The following LMO1 variants were observed in gnomAD, a reference collection of about 807,000 sequenced individuals.
The protein encoded by LMO1 is rhombotin-1.
A neutral mutation model predicts 18.0 loss-of-function variants in LMO1; 10 were observed. That is an observed-to-expected ratio of 0.55 (90% CI 0.34 to 0.94). The LOEUF (loss-of-function observed/expected upper bound fraction) is 0.94. LMO1 is among the 40% of genes least tolerant of loss of function. LMO1 has a pLI of 0.02. For missense variants in LMO1, 183 were observed against 205.7 expected (o/e 0.89, Z 0.68); for synonymous variants, 77 against 77.9 (o/e 0.99, Z 0.06).
At chr11:8,228,907 A>C (rs1275688088) in intron 2 of LMO1, among the ~76,000 whole-genome samples, 3 of 152,014 alleles carry the variant, frequency 2.0e-5, no homozygotes, top group African/African-American at 7.2e-5. Flanking sequence ...TTCTTTTTTG[A>C]GACAGGGTCT....
rs7114682 is a variant in LMO1, at chr11:8,232,219, G to T, written c.26-1715C>A. Among the ~76,000 whole-genome samples, 782 of 152,280 alleles carry T rather than the reference G, an allele frequency of 5.1e-3. 5 individuals are homozygous for T. The highest frequency in any genetic ancestry group is 0.018 in the African/African-American group (754 of 41,552). ...AGGGCCTGTCTGTTAGCTGGTGAGT[G>T]TGCTGCCTAATTTCCTTAATGCAGC... On this transcript the variant is annotated intron_variant, in intron 1 of 3. Transcript: ENST00000335790.
intron 1 of LMO1, among the ~76,000 whole-genome samples, chr11:8,236,630 T>C (rs1952765166): frequency 6.6e-6 from 1 of 151,956 alleles, no homozygotes; most frequent in South Asian, 2.1e-4. Flanking sequence ...ACGGAGAGCA[T>C]GCAGACACTC....
intron 1 of LMO1, among the ~76,000 whole-genome samples, chr11:8,260,002 T>C (rs1847159249): frequency 6.6e-6 from 1 of 152,184 alleles, no homozygotes; most frequent in African/African-American, 2.4e-5. Context: ...ACCTTCCTGC[T>C]GGGCCTTTGC....
upstream of LMO1, among the ~76,000 whole-genome samples, chr11:8,264,161 G>T (rs1357690126): frequency 6.6e-6 from 1 of 151,732 alleles, no homozygotes; most frequent in Non-Finnish European, 1.5e-5. Flanking sequence ...CTTCCTACCA[G>T]TTCTGCCCGG....
chr11:8,268,400 C>T, upstream of LMO1: 1 of 1,466,796 alleles, frequency 6.8e-7, no homozygotes, highest in South Asian at 1.3e-5. Context: ...TGCCCCCGGG[C>T]ACCGGCACCG....
chr11:8,239,565 T>G (rs1178492080), intron 1 of LMO1, among the ~76,000 whole-genome samples: 1 of 151,246 alleles, frequency 6.6e-6, no homozygotes, highest in Non-Finnish European at 1.5e-5. Flanking sequence ...GAGGCTGGGC[T>G]GGGGACTCCA....
At chr11:8,251,816 G>A (rs900906551) in intron 1 of LMO1, among the ~76,000 whole-genome samples, 32 of 151,728 alleles carry the variant, frequency 2.1e-4, no homozygotes, top group African/African-American at 7.0e-4. Context: ...GAGTGTGTGT[G>A]AGAGTGCATG....
intron 1 of LMO1, among the ~76,000 whole-genome samples, chr11:8,246,851 G>A (rs1367500368): frequency 6.6e-6 from 1 of 152,100 alleles, no homozygotes; most frequent in African/African-American, 2.4e-5. Flanking sequence ...GACCTGGGAG[G>A]CCCCATGGCC....
intron 1 of LMO1, among the ~76,000 whole-genome samples, chr11:8,245,570 C>T (rs1211805223): frequency 6.6e-6 from 1 of 152,156 alleles, no homozygotes; most frequent in African/African-American, 2.4e-5. Flanking sequence ...AAACTGAAGC[C>T]AGCAGGCAAA....
At chr11:8,266,643 A>G (rs570728471), upstream of LMO1, among the ~76,000 whole-genome samples, 8 of 152,362 alleles carry the variant, frequency 5.3e-5, no homozygotes, top group Non-Finnish European at 1.2e-4. Flanking sequence ...ATATCTGGGC[A>G]GGTCCCAGCA....
upstream of LMO1, among the ~76,000 whole-genome samples, chr11:8,265,385 G>T (rs12797010): frequency 0.15 from 22,735 of 152,056 alleles, 1,792 homozygotes; most frequent in Non-Finnish European, 0.19. Context: ...GCCCTGGGAG[G>T]CCCCAGTGCT....
Position 8,227,085 on chromosome 11 carries a change from T to C in LMO1, c.255A>G (p.Thr85=). The change falls in exon 3 of 4, where the codon ACA becomes ACG. Residue 85 remains threonine, a synonymous_variant. Coordinates refer to ENST00000335790, the MANE Select transcript of LMO1 (RefSeq NM_002315.3). ...GCTTGCTGCAAGCAGCACAGTTCCC[T>C]GTGGTGCCAAAGAGCCTGCCGAGGG... ...RRDYLRLFGT[T]GNCAACSKLI... 2 of 1,613,466 alleles carry C rather than the reference T, an allele frequency of 1.2e-6. No homozygotes were observed. Among genetic ancestry groups the C allele is most frequent in the Non-Finnish European group, 1.7e-6 (2 of 1,179,592 alleles).
At chr11:8,226,267 G>A (rs1172515412) in intron 3 of LMO1, among the ~76,000 whole-genome samples, 1 of 152,070 alleles carries the variant, frequency 6.6e-6, no homozygotes, top group East Asian at 1.9e-4. Context: ...GGCTGAGGTG[G>A]GCAGATAACC....
chr11:8,263,614 G>C lies in LMO1; in HGVS notation c.-252C>G. ...AACTACGAACTGCAATTTAGAGAGAGAGGGAGAGGGAGAGAGAAGGGGGAA... is the reference window on the plus strand; with the variant it reads ...AACTACGAACTGCAATTTAGAGAGACAGGGAGAGGGAGAGAGAAGGGGGAA... On this transcript the variant is annotated 5_prime_UTR_variant, in exon 1 of 4. Coordinates refer to ENST00000335790, the MANE Select transcript of LMO1 (RefSeq NM_002315.3). The C allele has an allele frequency of 7.4e-7, 1 of 1,353,468 alleles. No homozygotes were observed. Among genetic ancestry groups the C allele is most frequent in the Non-Finnish European group, 9.5e-7 (1 of 1,056,974 alleles). The allele number at this position is 1,353,468 out of a possible 1,614,324, so 83.8% of individuals were successfully genotyped here.
intron 1 of LMO1, among the ~76,000 whole-genome samples, chr11:8,258,566 G>C (rs768802831): frequency 6.6e-6 from 1 of 152,182 alleles, no homozygotes; most frequent in African/African-American, 2.4e-5. Flanking sequence ...TCTGTTCCAA[G>C]GTTGAGAGAC....
At chr11:8,259,335 G>A (rs571029631) in intron 1 of LMO1, among the ~76,000 whole-genome samples, 75 of 152,272 alleles carry the variant, frequency 4.9e-4, no homozygotes, top group African/African-American at 1.5e-3. Flanking sequence ...GTTGGGGGGC[G>A]GGTTACCCAT....
At chr11:8,246,720 CAAACAA>C (rs2134560677) in intron 1 of LMO1, among the ~76,000 whole-genome samples, 1 of 152,060 alleles carries the variant, frequency 6.6e-6, no homozygotes, top group Non-Finnish European at 1.5e-5. Flanking sequence ...TAAAACAAAA[CAAACAA>C]AAACAAATAA....
chr11:8,232,961 A>C (rs1206171680), intron 1 of LMO1, among the ~76,000 whole-genome samples: 3 of 152,150 alleles, frequency 2.0e-5, no homozygotes, highest in Non-Finnish European at 4.4e-5. Context: ...GCACTGGTCG[A>C]CAATCTCTTC....
chr11:8,263,488 T>C lies in LMO1; in HGVS notation c.-126A>G. On this transcript the variant is annotated 5_prime_UTR_variant, in exon 1 of 4. Transcript: ENST00000335790. ...GGCTCTAATTACCCGCTTGTCCGGCTCTTAACCTAGATTGCACTCAGCTAG... is the reference window on the plus strand; with the variant it reads ...GGCTCTAATTACCCGCTTGTCCGGCCCTTAACCTAGATTGCACTCAGCTAG... 6.7e-7 allele frequency: 1 copy of C among 1,502,358 alleles called. No individual in the cohort carries two copies. Among genetic ancestry groups the C allele is most frequent in the Non-Finnish European group, 8.8e-7 (1 of 1,133,030 alleles). 93.1% of individuals were successfully genotyped at this position (1,502,358 alleles called of 1,614,324 possible).
Sources: gnomAD v4.1 joint callset for allele counts (sites outside exome capture counted in the v4.1 genomes callset) on GRCh38, gnomAD v4.1.1 for gene constraint, MANE v1.5 for transcripts, NCBI Gene and HGNC (gene_info 2026-07-23, HGNC 2026-07-21) for gene names.